Variants in SLC24A2 observed in about 807,000 individuals in gnomAD.
The protein encoded by SLC24A2 is solute carrier family 24 member 2.
In SLC24A2, 36 loss-of-function variants were observed where a neutral mutation model predicts 62.0. The observed-to-expected ratio is 0.58, with a 90% CI of 0.44 to 0.77. The LOEUF is 0.77. Among genes scored for constraint, SLC24A2 ranks in the 30% least tolerant of loss-of-function variants. The pLI, the probability that SLC24A2 is intolerant of heterozygous loss-of-function variation, is 0.00. For missense variants in SLC24A2, 846 were observed against 817.9 expected, an observed-to-expected ratio of 1.03 and a Z score of -0.42; for synonymous variants, 358 against 294.0, an observed-to-expected ratio of 1.22 and a Z score of -2.23.
chr9:19,607,092 T>C (rs1201094637), intron 4 of SLC24A2, among the ~76,000 whole-genome samples: 2 of 152,226 alleles, frequency 1.3e-5, no homozygotes, highest in African/African-American at 2.4e-5. Context: ...GAGGTGTCTT[T>C]AGTGTAAATG....
chr9:19,758,574 T>C (rs1225970088), intron 2 of SLC24A2, among the ~76,000 whole-genome samples: 1 of 152,210 alleles, frequency 6.6e-6, no homozygotes, highest in Non-Finnish European at 1.5e-5. Context: ...ATAACATTAT[T>C]TGGAAAACTC....
At chr9:19,644,034 T>G (rs1049814415) in intron 2 of SLC24A2, among the ~76,000 whole-genome samples, 2 of 152,266 alleles carry the variant, frequency 1.3e-5, no homozygotes, top group African/African-American at 4.8e-5. Context: ...AAACTGCATC[T>G]GACACATTTC....
chr9:20,014,607 T>C, the SLC24A2 span, among the ~76,000 whole-genome samples: 1 of 151,948 alleles, frequency 6.6e-6, no homozygotes, highest in Non-Finnish European at 1.5e-5. Flanking sequence ...GCAAATATTA[T>C]GGTAAGTGAA....
chr9:20,078,030 G>A, the SLC24A2 span, among the ~76,000 whole-genome samples: 4 of 144,330 alleles, frequency 2.8e-5, no homozygotes, highest in East Asian at 8.5e-4. Context: ...TGGGCACAGG[G>A]CTGGCACAGC....
chr9:19,679,317 C>G (rs1294054266), intron 2 of SLC24A2, among the ~76,000 whole-genome samples: 2 of 152,118 alleles, frequency 1.3e-5, no homozygotes, highest in African/African-American at 4.8e-5. Flanking sequence ...TAGTTTCCTA[C>G]CTATAAAATA....
chr9:19,544,427 A>T (rs990073911), intron 8 of SLC24A2, among the ~76,000 whole-genome samples: 2 of 152,108 alleles, frequency 1.3e-5, no homozygotes, highest in Non-Finnish European at 2.9e-5. Context: ...TATCACATTT[A>T]CATTTAAGGT....
the SLC24A2 span, among the ~76,000 whole-genome samples, chr9:20,126,152 C>T: frequency 3.9e-5 from 6 of 152,138 alleles, no homozygotes; most frequent in African/African-American, 1.4e-4. Flanking sequence ...TTCTATTCTA[C>T]AATCTTACTC....
At chr9:20,295,649 A>G in the SLC24A2 span, among the ~76,000 whole-genome samples, 1 of 152,170 alleles carries the variant, frequency 6.6e-6, no homozygotes, top group East Asian at 1.9e-4. Flanking sequence ...GCTGAGAGAA[A>G]TATTTCTTCT....
At chr9:20,061,567 A>T in the SLC24A2 span, among the ~76,000 whole-genome samples, 1 of 152,178 alleles carries the variant, frequency 6.6e-6, no homozygotes, top group African/African-American at 2.4e-5. Flanking sequence ...GATTACAGGC[A>T]TGACCCACTG....
At chr9:20,264,481 G>C in the SLC24A2 span, among the ~76,000 whole-genome samples, 1 of 152,274 alleles carries the variant, frequency 6.6e-6, no homozygotes, top group South Asian at 2.1e-4. Flanking sequence ...AAGAACTTCT[G>C]AAACAAATCT....
intron 2 of SLC24A2, among the ~76,000 whole-genome samples, chr9:19,778,884 T>C (rs1361106665): frequency 1.3e-5 from 2 of 152,150 alleles, no homozygotes; most frequent in Non-Finnish European, 2.9e-5. Context: ...AAAATAAATA[T>C]ACTTAACATG....
intron 2 of SLC24A2, among the ~76,000 whole-genome samples, chr9:19,748,546 A>C (rs183952623): frequency 6.6e-6 from 1 of 152,260 alleles, no homozygotes; most frequent in East Asian, 1.9e-4. Flanking sequence ...ATGCCTGCAC[A>C]ATCTTAGGTG....
chr9:20,220,194 T>C, the SLC24A2 span, among the ~76,000 whole-genome samples: 456 of 152,256 alleles, frequency 3.0e-3, 2 homozygotes, highest in African/African-American at 0.01. Flanking sequence ...TCTGGTTGTT[T>C]AGGTCAATGA....
chr9:20,126,804 C>T, the SLC24A2 span, among the ~76,000 whole-genome samples: 4 of 152,108 alleles, frequency 2.6e-5, no homozygotes, highest in Admixed American at 2.0e-4. Context: ...TAGGCAGGAA[C>T]AGAATGTGTG....
chr9:20,280,368 T>C, the SLC24A2 span, among the ~76,000 whole-genome samples: 1 of 152,130 alleles, frequency 6.6e-6, no homozygotes, highest in African/African-American at 2.4e-5. Context: ...ACCTCTAGAT[T>C]GAAGCAGCTT....
Position 19,710,873 on chromosome 9 carries a change from A to G in SLC24A2, c.930+75064T>C, listed in dbSNP as rs567719930. 7.9e-5 allele frequency among the ~76,000 whole-genome samples: 12 copies of G among 152,338 alleles called. 1 individual carries two copies. The South Asian group carries it at 1.9e-3, about 24-fold the overall frequency. On this transcript the variant is annotated intron_variant, in intron 2 of 10. Coordinates refer to ENST00000341998, the MANE Select transcript of SLC24A2 (RefSeq NM_020344.4). ...ACAGGGACAAATGATCCTACCCTCA[A>G]GCCAGTGAAATGGATGACTATACAT...
rs186765847 is a variant in SLC24A2 at position 19,561,684 on chromosome 9, C to T, written c.1348-11416G>A. 3.0e-3 allele frequency among the ~76,000 whole-genome samples: 458 copies of T among 152,202 alleles called. 8 individuals carry two copies. In the South Asian group the frequency reaches 0.038, roughly 13 times the overall value. ...TGACCTTGTGATCCACCTGCCTCGGCCTCCCAAAGTGCTGGGATTACAGGC... is the reference window on the plus strand; with the variant it reads ...TGACCTTGTGATCCACCTGCCTCGGTCTCCCAAAGTGCTGGGATTACAGGC... On this transcript the variant is annotated intron_variant, in intron 7 of 10. Coordinates refer to ENST00000341998, the MANE Select transcript of SLC24A2 (RefSeq NM_020344.4).
At chr9:19,961,023 G>GGTGTGTGTGT in the SLC24A2 span, among the ~76,000 whole-genome samples, 237 of 141,710 alleles carry the variant, frequency 1.7e-3, no homozygotes, top group African/African-American at 5.7e-3. Context: ...TAGAGGGGTG[G>GGTGTGTGTGT]GTGTGTGTGT....
intron 2 of SLC24A2, among the ~76,000 whole-genome samples, chr9:19,780,124 A>G (rs1388175676): frequency 6.6e-6 from 1 of 152,242 alleles, no homozygotes; most frequent in Non-Finnish European, 1.5e-5. Flanking sequence ...GGTAGAGCTT[A>G]AATTCTAGAC....
Sources: allele counts gnomAD v4.1 joint callset (sites outside exome capture counted in the v4.1 genomes callset), GRCh38; gene constraint gnomAD v4.1.1; transcripts MANE v1.5; gene names NCBI Gene and HGNC (gene_info 2026-07-23, HGNC 2026-07-21).